NCK2: variants seen among roughly 807,000 people sequenced by gnomAD.
NCK2 encodes cytoplasmic protein NCK2.
A neutral mutation model predicts 33.9 loss-of-function variants in NCK2; 16 were observed. That is an observed-to-expected ratio of 0.47 (90% confidence interval 0.32 to 0.72). The LOEUF (loss-of-function observed/expected upper bound fraction) is 0.72. Ranked by LOEUF, NCK2 falls within the 30% of genes least tolerant of loss-of-function variation. NCK2 has a pLI of 0.03. For synonymous variants in NCK2, 273 were observed against 239.9 expected (o/e 1.14, Z -1.27); for missense variants, 418 against 537.3 (o/e 0.78, Z 2.19).
At chr2:105,867,251 C>T (rs544685712) in intron 3 of NCK2, among the ~76,000 whole-genome samples, 1 of 152,336 alleles carries the variant, frequency 6.6e-6, no homozygotes, top group South Asian at 2.1e-4. Flanking sequence ...GCATTTAATA[C>T]TTCACGTTTA....
chr2:105,888,430 C>T (rs1678806769), intron 4 of NCK2, among the ~76,000 whole-genome samples: 1 of 152,100 alleles, frequency 6.6e-6, no homozygotes, highest in African/African-American at 2.4e-5. Context: ...GAAATGCGGA[C>T]AGTGGGAGGT....
intron 1 of NCK2, among the ~76,000 whole-genome samples, chr2:105,771,439 GCCTGTAAT>G (rs1250178768): frequency 2.0e-5 from 3 of 151,868 alleles, no homozygotes; most frequent in Non-Finnish European, 4.4e-5. Context: ...TGGTGAGGGC[GCCTGTAAT>G]CCCAGCTACT....
Position 105,768,787 on chromosome 2 carries a change from T to G in NCK2, c.-201+23649T>G, listed in dbSNP as rs550047358. 1.2e-4 allele frequency among the ~76,000 whole-genome samples: 19 copies of G among 152,304 alleles called. No individual in the cohort carries two copies. The East Asian group carries it at 2.9e-3, about 23-fold the overall frequency. Reference sequence around the variant, plus strand: ...GGGAAGCCAAAAGATTGGACACCCCTGTTTTAAAGGATGCAACTTAGGAAC... The same window carrying G: ...GGGAAGCCAAAAGATTGGACACCCCGGTTTTAAAGGATGCAACTTAGGAAC... On this transcript the variant is annotated intron_variant, in intron 1 of 4. Transcript: ENST00000233154.
intron 3 of NCK2, among the ~76,000 whole-genome samples, chr2:105,866,379 T>G (rs139612532): frequency 1.7e-4 from 26 of 151,922 alleles, no homozygotes; most frequent in African/African-American, 6.0e-4. Flanking sequence ...GGCTTCTTGC[T>G]GTTGTCAGTA....
At chr2:105,799,638 C>T (rs1284249495) in intron 1 of NCK2, among the ~76,000 whole-genome samples, 2 of 152,132 alleles carry the variant, frequency 1.3e-5, no homozygotes, top group Admixed American at 6.5e-5. Context: ...AAAAACAAAA[C>T]GGAATACCAC....
chr2:105,795,665 T>G (rs1286958321), intron 1 of NCK2, among the ~76,000 whole-genome samples: 4 of 152,186 alleles, frequency 2.6e-5, no homozygotes, highest in Non-Finnish European at 4.4e-5. Context: ...TGTCACCAAT[T>G]TAGGCAGGGT....
At chr2:105,790,488 C>T (rs1339999457) in intron 1 of NCK2, among the ~76,000 whole-genome samples, 7 of 152,230 alleles carry the variant, frequency 4.6e-5, no homozygotes, top group East Asian at 1.9e-4. Context: ...CGGCCACCCC[C>T]GCCTGCCCCA....
intron 1 of NCK2, among the ~76,000 whole-genome samples, chr2:105,771,921 C>G (rs781411928): frequency 1.6e-4 from 24 of 152,202 alleles, no homozygotes; most frequent in Non-Finnish European, 2.2e-4. Context: ...CTGACTTCCT[C>G]CCTCCCAGGG....
intron 2 of NCK2, among the ~76,000 whole-genome samples, chr2:105,835,825 C>CT (rs762825671): frequency 1.8e-3 from 270 of 151,812 alleles, no homozygotes; most frequent in Admixed American, 2.9e-3. Context: ...CTTTTTTATT[C>CT]TTTTTTTCTG....
At chr2:105,889,031 A>C (rs1332932171) in intron 4 of NCK2, among the ~76,000 whole-genome samples, 1 of 152,234 alleles carries the variant, frequency 6.6e-6, no homozygotes, top group East Asian at 1.9e-4. Context: ...CAATTTCTTG[A>C]AATCTGTTCT....
chr2:105,830,670 G>GGTT (rs1676137963), intron 2 of NCK2, among the ~76,000 whole-genome samples: 1 of 98,986 alleles, frequency 1.0e-5, no homozygotes, highest in Non-Finnish European at 2.1e-5. Context: ...CCAGGAATTT[G>GGTT]GTGTGTGTGT....
chr2:105,832,055 GTTT>G (rs1676209630), intron 2 of NCK2, among the ~76,000 whole-genome samples: 1 of 152,100 alleles, frequency 6.6e-6, no homozygotes. Flanking sequence ...GTATTTTGTA[GTTT>G]TTAATGTAGA....
intron 1 of NCK2, among the ~76,000 whole-genome samples, chr2:105,762,295 A>C (rs1347018180): frequency 6.6e-6 from 1 of 152,104 alleles, no homozygotes; most frequent in Admixed American, 6.6e-5. Flanking sequence ...GCATCAAACC[A>C]GGGGGGGTCT....
chr2:105,779,319 A>G (rs1478671549), intron 1 of NCK2, among the ~76,000 whole-genome samples: 1 of 151,986 alleles, frequency 6.6e-6, no homozygotes, highest in African/African-American at 2.4e-5. Flanking sequence ...AAAAAAAAAA[A>G]AAAAAGAATC....
intron 1 of NCK2, among the ~76,000 whole-genome samples, chr2:105,803,387 C>T (rs1558844475): frequency 6.6e-6 from 1 of 152,150 alleles, no homozygotes; most frequent in African/African-American, 2.4e-5. Context: ...AGGCTGAGCT[C>T]CTTAAGAAGG....
chr2:105,884,934 A>G (rs1303113904), intron 4 of NCK2, among the ~76,000 whole-genome samples: 1 of 152,222 alleles, frequency 6.6e-6, no homozygotes, highest in Non-Finnish European at 1.5e-5. Flanking sequence ...GCTTAAATCC[A>G]GAAAACTCAG....
chr2:105,790,951 A>C (rs1690858886), intron 1 of NCK2, among the ~76,000 whole-genome samples: 1 of 152,186 alleles, frequency 6.6e-6, no homozygotes, highest in Admixed American at 6.5e-5. Context: ...TTTATATCAC[A>C]GATGCACACT....
chr2:105,748,407 C>T (rs2104321115), intron 1 of NCK2, among the ~76,000 whole-genome samples: 1 of 151,980 alleles, frequency 6.6e-6, no homozygotes, highest in Non-Finnish European at 1.5e-5. Flanking sequence ...TTTTTTAAGG[C>T]AGGGTTTCAC....
intron 2 of NCK2, among the ~76,000 whole-genome samples, chr2:105,817,724 A>G (rs983545735): frequency 1.3e-5 from 2 of 152,160 alleles, no homozygotes; most frequent in Non-Finnish European, 2.9e-5. Context: ...CAAAACCACA[A>G]TGAGATACCA....
Sources: allele counts gnomAD v4.1 joint callset (sites outside exome capture counted in the v4.1 genomes callset), GRCh38; gene constraint gnomAD v4.1.1; transcripts MANE v1.5; gene names NCBI Gene and HGNC (gene_info 2026-07-23, HGNC 2026-07-21).